Variants in FREM1 observed in about 807,000 individuals in gnomAD.
FREM1 encodes the protein FRAS1-related extracellular matrix protein 1.
A neutral mutation model predicts 210.1 loss-of-function variants in FREM1; 220 were observed. The ratio of observed to expected loss-of-function variants is 1.05; its 90% confidence interval spans 0.94 to 1.17. The LOEUF (loss-of-function observed/expected upper bound fraction) is 1.17. Among genes scored for constraint, FREM1 ranks in the 50% most tolerant of loss-of-function variants. FREM1 has a pLI of 0.00. For missense variants in FREM1, 3,454 were observed against 2,675.5 expected, an observed-to-expected ratio of 1.29 and a Z score of -6.42; for synonymous variants, 1,189 against 980.2, an observed-to-expected ratio of 1.21 and a Z score of -3.98.
rs72614223 is a variant in FREM1 at position 14,804,945 on chromosome 9, A to G, written c.3471+11T>C. On this transcript the variant is annotated intron_variant, in intron 19 of 36. Transcript: ENST00000380880. ...TAAAAGAGAAATGGAACATTTGGAT[A>G]TGTTTCTTACAGTAATATTCTGCAC... 103,702 of 1,579,672 alleles carry G rather than the reference A, an allele frequency of 0.066. 4,963 individuals carry two copies. Among genetic ancestry groups the G allele is most frequent in the East Asian group, 0.28 (12,374 of 44,626 alleles).
At chr9:14,873,502 G>A (rs951766141) in intron 1 of FREM1, among the ~76,000 whole-genome samples, 1 of 152,110 alleles carries the variant, frequency 6.6e-6, no homozygotes, top group Non-Finnish European at 1.5e-5. Context: ...ATTTCTGTGG[G>A]ATCGGTGGTG....
At chr9:14,884,588 G>A (rs1835432882) in intron 1 of FREM1, among the ~76,000 whole-genome samples, 1 of 152,186 alleles carries the variant, frequency 6.6e-6, no homozygotes, top group Non-Finnish European at 1.5e-5. Flanking sequence ...AATTGGTGGA[G>A]GGGAAATGTG....
In FREM1 at chr9:14,789,073, G is replaced by C. The variant is rs200716268; in HGVS notation, c.4023C>G (p.Cys1341Trp). Residue 1341 changes from cysteine (C) to tryptophan (W), a missense_variant, in exon 23 of 37, where the codon TGC becomes TGG. Physicochemically the swap from Cys to Trp is radical, Grantham distance 215 (BLOSUM62 -2). Transcript: ENST00000380880. ...AGTTCAGATCCACTTCCTCCTGAGT[G>C]CATTTCATGCCAGGGGAGAGAGGAA... is the stretch of plus-strand genomic sequence containing the variant. ...DWVPLSPGMK[C>W]TQEEVDLNLL... 6.6e-4 allele frequency: 1,055 copies of C among 1,604,950 alleles called. 2 individuals carry two copies. The highest frequency in any genetic ancestry group is 3.8e-3 in the Middle Eastern group (23 of 6,058).
chr9:14,793,895 C>G (rs1851868480), intron 21 of FREM1, among the ~76,000 whole-genome samples: 1 of 152,158 alleles, frequency 6.6e-6, no homozygotes. Context: ...TGGGTGGTGA[C>G]ATTTGCACAC....
intron 1 of FREM1, among the ~76,000 whole-genome samples, chr9:14,885,758 T>C (rs1046028081): frequency 6.6e-6 from 1 of 152,200 alleles, no homozygotes; most frequent in African/African-American, 2.4e-5. Context: ...ACATACACTG[T>C]TGTGTCATGA....
chr9:14,896,136 A>T (rs530695839), intron 1 of FREM1, among the ~76,000 whole-genome samples: 3 of 148,182 alleles, frequency 2.0e-5, no homozygotes, highest in South Asian at 2.1e-4. Context: ...CAAAATCAAG[A>T]TGGGGATAAA....
intron 1 of FREM1, among the ~76,000 whole-genome samples, chr9:14,880,709 G>C (rs1834644906): frequency 6.6e-6 from 1 of 151,794 alleles, no homozygotes; most frequent in Non-Finnish European, 1.5e-5. Context: ...TGTGTTTAAA[G>C]GCTTTTTAAA....
intron 21 of FREM1, among the ~76,000 whole-genome samples, chr9:14,793,961 T>C (rs79475929): frequency 1.3e-5 from 2 of 152,166 alleles, no homozygotes; most frequent in Non-Finnish European, 2.9e-5. Flanking sequence ...AATCAGTTGG[T>C]TGAGGGCTTA....
chr9:14,863,812 T>C lies in FREM1; in HGVS notation c.326A>G (p.Tyr109Cys). Residue 109 changes from tyrosine to cysteine, a missense_variant, in exon 3 of 37, where the codon TAC becomes TGC. Coordinates refer to ENST00000380880, the MANE Select transcript of FREM1 (RefSeq NM_001379081.2). ...GCGATGTTCCCGTGCCGCTTACCTG[T>C]AAAGTCTGAGCTTCACTGTGTCTTC... The part of the protein sequence containing the change: ...LDEDTVKLRL[Y>C]RFTERDTFIE... 1.9e-6 allele frequency: 3 copies of C among 1,604,156 alleles called. No individual in the cohort carries two copies. Among genetic ancestry groups the C allele is most frequent in the Non-Finnish European group, 2.6e-6 (3 of 1,171,052 alleles).
intron 1 of FREM1, among the ~76,000 whole-genome samples, chr9:14,875,665 T>A (rs1833576086): frequency 6.6e-6 from 1 of 152,232 alleles, no homozygotes; most frequent in South Asian, 2.1e-4. Flanking sequence ...GAAGCCTTCT[T>A]CTCTCAACTC....
chr9:14,894,197 T>C lies in FREM1; in HGVS notation c.-268+15717A>G, dbSNP rs1174235799. On this transcript the variant is annotated intron_variant, in intron 1 of 36. Transcript: ENST00000380880. ...TGGCTTTCTTAGGGCTGTATTTATA[T>C]AAATATGTTACTGGTATGTGTTCCA... is the stretch of plus-strand genomic sequence containing the variant. Among the ~76,000 whole-genome samples, 5 of 152,256 alleles carry C rather than the reference T, an allele frequency of 3.3e-5. No homozygotes were observed. The East Asian group carries it at 9.6e-4, about 29-fold the overall frequency.
chr9:14,876,496 A>G (rs1397555531), intron 1 of FREM1, among the ~76,000 whole-genome samples: 1 of 152,192 alleles, frequency 6.6e-6, no homozygotes, highest in African/African-American at 2.4e-5. Context: ...TGCAGGATAT[A>G]ATCTCCTGGT....
intron 22 of FREM1, among the ~76,000 whole-genome samples, chr9:14,791,554 C>G (rs1047996239): frequency 1.3e-5 from 2 of 152,198 alleles, no homozygotes; most frequent in African/African-American, 4.8e-5. Flanking sequence ...CTTTGCCCAT[C>G]TGAACCTAAA....
chr9:14,886,513 AAG>A (rs1301041495), intron 1 of FREM1, among the ~76,000 whole-genome samples: 3 of 152,180 alleles, frequency 2.0e-5, no homozygotes, highest in Admixed American at 6.5e-5. Flanking sequence ...AATCCTCAAC[AAG>A]ATGGTGAAGA....
chr9:14,903,501 G>A (rs1215320427), intron 1 of FREM1, among the ~76,000 whole-genome samples: 2 of 152,100 alleles, frequency 1.3e-5, no homozygotes, highest in African/African-American at 2.4e-5. Context: ...TCCTTATTGA[G>A]ATCCTTCCCA....
rs556092848 is a variant in FREM1, at chr9:14,830,873, G to C, written c.1882-5881C>G. Among the ~76,000 whole-genome samples, 5 of 152,346 alleles carry C rather than the reference G, an allele frequency of 3.3e-5. No homozygotes were observed. In the South Asian group the frequency reaches 1.0e-3, roughly 32 times the overall value. ...GCCTTCCTTCATCAGAGTGGCGACT[G>C]TGGGAGCAAGCTTAAAATCTGTTCT... is the stretch of plus-strand genomic sequence containing the variant. On this transcript the variant is annotated intron_variant, in intron 10 of 36. Transcript: ENST00000380880.
intron 15 of FREM1, among the ~76,000 whole-genome samples, 182 bp from the exon 16 acceptor site, chr9:14,813,246 G>T (rs576565563): frequency 2.6e-5 from 4 of 152,238 alleles, no homozygotes; most frequent in Non-Finnish European, 5.9e-5. Context: ...AAACCATCTT[G>T]CAAGAAATGC....
chr9:14,819,321 G>C lies in FREM1; in HGVS notation c.2459C>G (p.Pro820Arg). Reference sequence around the variant, plus strand: ...ATTCAGCTCCACCCTTCCGTGCAGAGGCAATTCCCGCAGGGAGAGGTCAAT... The same window carrying C: ...ATTCAGCTCCACCCTTCCGTGCAGACGCAATTCCCGCAGGGAGAGGTCAAT... ...DNIDLSLREL[P>R]LHGRVELNGF... Residue 820 changes from proline (P) to arginine (R), a missense_variant, in exon 14 of 37, where the codon CCT becomes CGT. Pro to Arg is a moderately radical substitution (Grantham distance 103). Transcript: ENST00000380880. The C allele has an allele frequency of 1.2e-6, 2 of 1,613,902 alleles. No individual in the cohort carries two copies. Among genetic ancestry groups the C allele is most frequent in the East Asian group, 2.2e-5 (1 of 44,874 alleles).
In FREM1 at chr9:14,836,145, C is replaced by A. The variant is rs769053340; in HGVS notation, c.1881+5302G>T. 3.2e-4 allele frequency among the ~76,000 whole-genome samples: 48 copies of A among 152,218 alleles called. No homozygotes were observed. The highest frequency in any genetic ancestry group is 8.5e-4 in the Admixed American group (13 of 15,270). ...TCATAGACCCCCAAAGGGGAGTTCT[C>A]TATCTTGGCAAGTAAAATTTTAGAT... On this transcript the variant is annotated intron_variant, in intron 10 of 36. Coordinates refer to ENST00000380880, the MANE Select transcript of FREM1 (RefSeq NM_001379081.2). This position sits in a 1 kb window ranked among gnomAD's most constrained non-coding sequence, Gnocchi z 4.9.
Sources: allele counts gnomAD v4.1 joint callset (sites outside exome capture counted in the v4.1 genomes callset), GRCh38; gene constraint gnomAD v4.1.1; non-coding constraint Gnocchi (gnomAD v3.1); transcripts MANE v1.5; gene names NCBI Gene and HGNC (gene_info 2026-07-23, HGNC 2026-07-21).